CDKL4: variants seen among roughly 807,000 people sequenced by gnomAD.
CDKL4 encodes cyclin-dependent kinase-like 4.
CDKL4 carries 44 observed loss-of-function variants against 42.0 expected under a neutral mutation model. The ratio of observed to expected loss-of-function variants is 1.05; its 90% CI spans 0.82 to 1.35. The LOEUF (loss-of-function observed/expected upper bound fraction) is 1.35, where lower values mean the gene tolerates loss of function less well. Ranked by LOEUF, CDKL4 falls within the 40% of genes most tolerant of loss-of-function variation. The pLI, the probability that CDKL4 is intolerant of heterozygous loss-of-function variation, is 0.00. For synonymous variants in CDKL4, 120 were observed against 121.6 expected, an observed-to-expected ratio of 0.99 and a Z score of 0.09; for missense variants, 393 against 369.9, an observed-to-expected ratio of 1.06 and a Z score of -0.51.
In CDKL4 at chr2:39,234,400, G is replaced by A. The variant is rs1573030365; in HGVS notation, c.-56-4812C>T. 2.0e-5 allele frequency among the ~76,000 whole-genome samples: 3 copies of A among 152,082 alleles called. No homozygotes were observed. In the East Asian group the frequency reaches 5.8e-4, roughly 29 times the overall value. On this transcript the variant is annotated intron_variant, in intron 1 of 9. Transcript: ENST00000451199. The stretch of plus-strand genomic sequence containing the variant: ...AATTTGATTGGGGCATTAAAGAAAG[G>A]CAGAACAGTAATTATGAGAATTAAA...
intron 1 of CDKL4, among the ~76,000 whole-genome samples, chr2:39,232,283 G>A (rs1216431891): frequency 6.6e-6 from 1 of 152,132 alleles, no homozygotes; most frequent in East Asian, 1.9e-4. Flanking sequence ...CATGGAAAAT[G>A]AGTCTGAGTA....
At chr2:39,224,348 G>A (rs1209050554) in intron 3 of CDKL4, among the ~76,000 whole-genome samples, 2 of 151,916 alleles carry the variant, frequency 1.3e-5, no homozygotes, top group Non-Finnish European at 1.5e-5. Flanking sequence ...TTATAATCAT[G>A]AATATTTCCA....
At chr2:39,171,720 T>C (rs902216403), downstream of CDKL4, among the ~76,000 whole-genome samples, 3 of 152,144 alleles carry the variant, frequency 2.0e-5, no homozygotes, top group Non-Finnish European at 4.4e-5. Flanking sequence ...AACAAAAAAC[T>C]GTTTGGAGAC....
chr2:39,223,612 CA>C (rs796918055), intron 3 of CDKL4, among the ~76,000 whole-genome samples: 4,729 of 49,798 alleles, frequency 0.095, 480 homozygotes, highest in African/African-American at 0.32. Flanking sequence ...CTTCTGTCTT[CA>C]AAAAAAAAAA....
chr2:39,206,527 G>A (rs1677203487), intron 4 of CDKL4, among the ~76,000 whole-genome samples: 1 of 152,192 alleles, frequency 6.6e-6, no homozygotes, highest in South Asian at 2.1e-4. Flanking sequence ...GCGCACATGG[G>A]CATTCCAGAA....
intron 6 of CDKL4, 77 bp from the exon 7 acceptor site, chr2:39,187,786 G>C (rs1318066652): frequency 1.2e-5 from 11 of 916,148 alleles, no homozygotes; most frequent in Non-Finnish European, 1.7e-6. Flanking sequence ...AATGCCTGAA[G>C]GCCAGGCATG....
chr2:39,172,532 G>C (rs1471392812), downstream of CDKL4, among the ~76,000 whole-genome samples: 1 of 152,078 alleles, frequency 6.6e-6, no homozygotes, highest in African/African-American at 2.4e-5. Context: ...CTGTGGCCTG[G>C]GCCACCCAGG....
intron 1 of CDKL4, among the ~76,000 whole-genome samples, chr2:39,231,183 G>A (rs1679076006): frequency 6.6e-6 from 1 of 151,976 alleles, no homozygotes; most frequent in African/African-American, 2.4e-5. Context: ...CTGCACTCCA[G>A]CCTGGGAGAC....
chr2:39,191,074 A>G (rs1390666272), intron 5 of CDKL4, among the ~76,000 whole-genome samples: 1 of 152,192 alleles, frequency 6.6e-6, no homozygotes, highest in Non-Finnish European at 1.5e-5. Context: ...TTGCAAGCAC[A>G]GGAATGCCAA....
intron 1 of CDKL4, among the ~76,000 whole-genome samples, chr2:39,241,903 A>G (rs1679679080): frequency 6.6e-6 from 1 of 152,212 alleles, no homozygotes; most frequent in Non-Finnish European, 1.5e-5. Flanking sequence ...ATGTAAAATG[A>G]CTTACTTTTT....
chr2:39,231,241 AAC>A (rs1387766519), intron 1 of CDKL4, among the ~76,000 whole-genome samples: 1 of 152,012 alleles, frequency 6.6e-6, no homozygotes, highest in East Asian at 1.9e-4. Flanking sequence ...CAAACAAACA[AAC>A]AAAAAGAATG....
chr2:39,190,622 A>T, intron 5 of CDKL4, 120 bp from the exon 6 acceptor site: 1 of 762,964 alleles, frequency 1.3e-6, no homozygotes. Context: ...CTTAAGGGTT[A>T]ATGCATTGAG....
At chr2:39,221,395 A>G (rs1678364249) in intron 3 of CDKL4, among the ~76,000 whole-genome samples, 1 of 152,172 alleles carries the variant, frequency 6.6e-6, no homozygotes, top group African/African-American at 2.4e-5. Context: ...AAGGCTTGGT[A>G]TGTATACTAG....
At chr2:39,190,745 A>C (rs148537562) in intron 5 of CDKL4, among the ~76,000 whole-genome samples, 66 of 152,232 alleles carry the variant, frequency 4.3e-4, no homozygotes, top group African/African-American at 1.6e-3. Context: ...GGGTGGTGTG[A>C]TAGGGATGGG....
chr2:39,233,995 C>T (rs1292556744), intron 1 of CDKL4, among the ~76,000 whole-genome samples: 1 of 149,346 alleles, frequency 6.7e-6, no homozygotes, highest in Admixed American at 6.7e-5. Context: ...CTCACTGCAA[C>T]CTCTGCCTCC....
At chr2:39,211,831 C>T (rs1306990201) in intron 4 of CDKL4, among the ~76,000 whole-genome samples, 2 of 152,036 alleles carry the variant, frequency 1.3e-5, no homozygotes, top group Admixed American at 6.6e-5. Flanking sequence ...TTAACATTAT[C>T]GAAAGTGGGA....
chr2:39,220,681 A>G (rs1278056306), intron 3 of CDKL4, among the ~76,000 whole-genome samples: 3 of 151,446 alleles, frequency 2.0e-5, no homozygotes, highest in East Asian at 3.9e-4. Context: ...TCTGCCTCCC[A>G]GGTTCAAGCA....
chr2:39,237,846 C>G (rs1679453327), intron 1 of CDKL4, among the ~76,000 whole-genome samples: 1 of 151,984 alleles, frequency 6.6e-6, no homozygotes, highest in African/African-American at 2.4e-5. Flanking sequence ...GAAATAATCA[C>G]CAAGTTTGCA....
chr2:39,202,267 CA>C (rs1676903448), intron 5 of CDKL4, among the ~76,000 whole-genome samples: 1 of 151,810 alleles, frequency 6.6e-6, no homozygotes, highest in South Asian at 2.1e-4. Flanking sequence ...CAAAACAAAA[CA>C]AAACAAAACA....
Sources: gnomAD v4.1 joint callset for allele counts (sites outside exome capture counted in the v4.1 genomes callset) on GRCh38, gnomAD v4.1.1 for gene constraint, MANE v1.5 for transcripts, NCBI Gene and HGNC (gene_info 2026-07-23, HGNC 2026-07-21) for gene names.